The following PROSER2 variants were observed in gnomAD, a reference collection of about 807,000 sequenced individuals.
The protein encoded by PROSER2 is proline and serine rich 2.
Under a neutral mutation model 14.6 loss-of-function variants are expected in PROSER2, and 18 were observed. That is an observed-to-expected ratio of 1.23 (90% confidence interval 0.85 to 1.83). The LOEUF is 1.83. Among genes scored for constraint, PROSER2 ranks in the 40% most tolerant of loss-of-function variants. The pLI, the probability that PROSER2 is intolerant of heterozygous loss-of-function variation, is 0.00. For missense variants in PROSER2, 823 were observed against 629.8 expected (o/e 1.31, Z -3.28); for synonymous variants, 367 against 286.4 (o/e 1.28, Z -2.84).
chr10:11,869,519 A>T lies in PROSER2; in HGVS notation c.421A>T (p.Lys141Ter). 1 of 1,613,614 alleles carries T rather than the reference A, an allele frequency of 6.2e-7. No homozygotes were observed. The stretch of plus-strand genomic sequence containing the variant: ...TGCACCTGCTGGGAAGGAGCACAGG[A>T]AACAAGATGCTGAGACTCCTCCACC... ...GPAPAGKEHR[K>*]QDAETPPPPD... The change falls in exon 4 of 4, where the codon AAA becomes TAA. Residue 141 changes from lysine (K) to a stop codon, truncating the protein, a stop_gained. Transcript: ENST00000277570. LOFTEE classifies it low-confidence loss of function (END_TRUNC). The surrounding 1 kb of genome is among the most constrained non-coding windows in gnomAD (Gnocchi z 4.4).
rs907565610 is a variant in PROSER2 at position 11,849,186 on chromosome 10, C to CA, written c.-81-2801dup. 7.2e-4 allele frequency among the ~76,000 whole-genome samples: 103 copies of CA among 142,826 alleles called. 1 individual carries two copies. The highest frequency in any genetic ancestry group is 1.6e-3 in the East Asian group (8 of 4,948). 93.7% of individuals were successfully genotyped at this position (142,826 alleles called of 152,430 possible). On this transcript the variant is annotated intron_variant, in intron 1 of 3. Transcript: ENST00000277570. ...TGGGCGGCACAGCAAAACTCCGTCT[C>CA]AAAAAAAAAACAAAAAAACAAAGAG...
At chr10:11,864,823 G>C (rs546074193) in intron 2 of PROSER2, among the ~76,000 whole-genome samples, 30 of 152,138 alleles carry the variant, frequency 2.0e-4, no homozygotes, top group South Asian at 6.2e-4. Flanking sequence ...TCTGGAGCTC[G>C]AGTGATCCAC....
At chr10:11,861,045 G>A (rs529418361) in intron 2 of PROSER2, among the ~76,000 whole-genome samples, 2 of 152,274 alleles carry the variant, frequency 1.3e-5, no homozygotes, top group South Asian at 2.1e-4. Flanking sequence ...GGTGGTGGCT[G>A]CAGTGAGCTG....
intron 1 of PROSER2, among the ~76,000 whole-genome samples, chr10:11,845,765 G>T (rs766782176): frequency 6.6e-6 from 1 of 152,056 alleles, no homozygotes; most frequent in Admixed American, 6.5e-5. Context: ...TGCGTGCTGG[G>T]GTCTCATTGG....
intron 1 of PROSER2, among the ~76,000 whole-genome samples, chr10:11,848,954 C>T (rs1053087703): frequency 1.4e-4 from 22 of 152,032 alleles, no homozygotes; most frequent in Non-Finnish European, 5.9e-5. Context: ...TTTGGGAGGC[C>T]GAGGCGGGCG....
chr10:11,833,750 G>A (rs1450366045), intron 1 of PROSER2, among the ~76,000 whole-genome samples: 1 of 152,098 alleles, frequency 6.6e-6, no homozygotes, highest in Non-Finnish European at 1.5e-5. Flanking sequence ...AGGAAAACAA[G>A]AATTACATGC....
intron 1 of PROSER2, among the ~76,000 whole-genome samples, chr10:11,844,132 T>C (rs1179924991): frequency 6.6e-6 from 1 of 152,030 alleles, no homozygotes; most frequent in Admixed American, 6.6e-5. Flanking sequence ...GCTAGGACTA[T>C]AGGCATGTCC....
At chr10:11,834,000 T>C (rs1465061620) in intron 1 of PROSER2, among the ~76,000 whole-genome samples, 7 of 136,006 alleles carry the variant, frequency 5.1e-5, no homozygotes, top group Non-Finnish European at 9.5e-5. Flanking sequence ...TTTTTTTTTT[T>C]TTTTTTTTTT....
intron 1 of PROSER2, 197 bp from the exon 2 acceptor site, chr10:11,851,800 T>G: frequency 3.7e-6 from 1 of 271,514 alleles, no homozygotes; most frequent in Non-Finnish European, 6.8e-6. Context: ...TATTCTTATG[T>G]GTTCAGAATG....
At chr10:11,864,582 T>A (rs937778510) in intron 2 of PROSER2, among the ~76,000 whole-genome samples, 1 of 147,654 alleles carries the variant, frequency 6.8e-6, no homozygotes, top group African/African-American at 2.5e-5. Context: ...GATTTCTGAA[T>A]TTTTTTTTTC....
At position 11,869,551 on chromosome 10, in the gene PROSER2, C is replaced by A. The variant is rs1487905253; in HGVS notation, c.453C>A (p.Asp151Glu). The A allele has an allele frequency of 3.7e-6, 6 of 1,608,764 alleles. No individual in the cohort carries two copies. Among genetic ancestry groups the A allele is most frequent in the Non-Finnish European group, 4.3e-6 (5 of 1,175,356 alleles). The change falls in exon 4 of 4, where the codon GAC becomes GAA. Residue 151 changes from aspartate to glutamate, a missense_variant. Physicochemically the swap from Asp to Glu is conservative, Grantham distance 45. Transcript: ENST00000277570. This position sits in a 1 kb window ranked among gnomAD's most constrained non-coding sequence, Gnocchi z 4.4. ...ATGCTGAGACTCCTCCACCTCCAGA[C>A]CCCCCGGCTCCCGAGACCCTTCTTG... is the stretch of plus-strand genomic sequence containing the variant. ...KQDAETPPPP[D>E]PPAPETLLAP...
Position 11,823,686 on chromosome 10 carries a change from G to A in PROSER2, c.-82+216G>A, listed in dbSNP as rs969450821. 1.3e-5 allele frequency among the ~76,000 whole-genome samples: 2 copies of A among 151,950 alleles called. No individual in the cohort carries two copies. The highest frequency in any genetic ancestry group is 4.8e-5 in the African/African-American group (2 of 41,380). The stretch of plus-strand genomic sequence containing the variant: ...CGACCCCCGACCCCGGGGCGTCGCT[G>A]CCTCCTCGGGGACCTCGGAGTCGGG... On this transcript the variant is annotated intron_variant, in intron 1 of 3. Transcript: ENST00000277570. This position sits in a 1 kb window ranked among gnomAD's most constrained non-coding sequence, Gnocchi z 6.2.
At chr10:11,828,530 C>T (rs1002116867) in intron 1 of PROSER2, among the ~76,000 whole-genome samples, 3 of 152,028 alleles carry the variant, frequency 2.0e-5, no homozygotes, top group South Asian at 4.2e-4. Context: ...GGTGAAACCC[C>T]ATCTCTACTA....
At chr10:11,855,379 C>T (rs1345170697) in intron 2 of PROSER2, among the ~76,000 whole-genome samples, 1 of 147,968 alleles carries the variant, frequency 6.8e-6, no homozygotes, top group Non-Finnish European at 1.5e-5. Flanking sequence ...GAGGCTGAGC[C>T]AGGAGAATGG....
chr10:11,835,511 G>C (rs1443111555), intron 1 of PROSER2, among the ~76,000 whole-genome samples: 2 of 152,070 alleles, frequency 1.3e-5, no homozygotes, highest in South Asian at 4.1e-4. Flanking sequence ...TACTTAAGTC[G>C]AATAATAGAA....
chr10:11,851,989 G>A lies in PROSER2; in HGVS notation c.-81-8G>A. 1 of 1,344,006 alleles carries A rather than the reference G, an allele frequency of 7.4e-7. No individual in the cohort carries two copies. The highest frequency in any genetic ancestry group is 1.9e-5 in the South Asian group (1 of 53,376). The allele number at this position is 1,344,006 out of a possible 1,614,324, so 83.3% of individuals were successfully genotyped here. A position where few individuals can be genotyped will look rare whatever the true frequency, so the allele number is the denominator to read the frequency against. On this transcript the variant is annotated splice_polypyrimidine_tract_variant and splice_region_variant and intron_variant, in intron 1 of 3. Transcript: ENST00000277570. ...CTGACCATTGTCATTCGTGTTTGGT[G>A]TCTCTAGGAGTGAGCTGTTGCCGCA...
Position 11,865,200 on chromosome 10 carries a change from CT to C in PROSER2, c.139-1323del, listed in dbSNP as rs373899568. 1.3e-5 allele frequency among the ~76,000 whole-genome samples: 2 copies of C among 151,642 alleles called. No homozygotes were observed. The highest frequency in any genetic ancestry group is 4.8e-5 in the African/African-American group (2 of 41,256). ...AGATCCATCCTTTGATTTTCTTATC[CT>C]TTTTTTTCATAGTTTTCTGATTTTA... On this transcript the variant is annotated intron_variant, in intron 2 of 3. Coordinates refer to ENST00000277570, the MANE Select transcript of PROSER2 (RefSeq NM_153256.4). The surrounding 1 kb of genome is among the most constrained non-coding windows in gnomAD (Gnocchi z 4.2).
chr10:11,841,487 A>G (rs914232360), intron 1 of PROSER2, among the ~76,000 whole-genome samples: 1 of 151,898 alleles, frequency 6.6e-6, no homozygotes, highest in African/African-American at 2.4e-5. Context: ...TCCTAACTTA[A>G]GTTAGATGCT....
Position 11,869,565 on chromosome 10 carries a change from A to G in PROSER2, c.467A>G (p.Glu156Gly). Residue 156 changes from glutamate to glycine, a missense_variant, in exon 4 of 4, where the codon GAG becomes GGG. Transcript: ENST00000277570. The surrounding 1 kb of genome is among the most constrained non-coding windows in gnomAD (Gnocchi z 4.4). ...CCACCTCCAGACCCCCCGGCTCCCG[A>G]GACCCTTCTTGCGCCACCACCCCTG... ...TPPPPDPPAP[E>G]TLLAPPPLPS... 6.2e-7 allele frequency: 1 copy of G among 1,612,758 alleles called. No individual in the cohort carries two copies. The highest frequency in any genetic ancestry group is 1.3e-5 in the African/African-American group (1 of 74,940).
Sources: gnomAD v4.1 joint callset for allele counts (sites outside exome capture counted in the v4.1 genomes callset) on GRCh38, gnomAD v4.1.1 for gene constraint, Gnocchi (gnomAD v3.1) non-coding constraint, MANE v1.5 for transcripts, NCBI Gene and HGNC (gene_info 2026-07-23, HGNC 2026-07-21) for gene names.